ACTA2: variants seen among roughly 807,000 people sequenced by gnomAD.
ACTA2 encodes actin, aortic smooth muscle.
A neutral mutation model predicts 39.5 loss-of-function variants in ACTA2; 12 were observed. That is an observed-to-expected ratio of 0.30 (90% CI 0.19 to 0.49). The LOEUF (loss-of-function observed/expected upper bound fraction) is 0.49, where lower values mean the gene tolerates loss of function less well. ACTA2 is among the 20% of genes least tolerant of loss of function. ACTA2 has a pLI of 0.99. For synonymous variants in ACTA2, 158 were observed against 180.6 expected, an observed-to-expected ratio of 0.88 and a Z score of 1.00; for missense variants, 236 against 498.8, an observed-to-expected ratio of 0.47 and a Z score of 5.02.
At chr10:88,945,087 A>G (rs966535827) in intron 3 of ACTA2, among the ~76,000 whole-genome samples, 2 of 152,242 alleles carry the variant, frequency 1.3e-5, no homozygotes, top group African/African-American at 4.8e-5. Context: ...CAGTCACAGC[A>G]AGCAACCTTT....
intron 1 of ACTA2, among the ~76,000 whole-genome samples, chr10:88,962,393 A>T (rs1230257024): frequency 6.6e-6 from 1 of 152,168 alleles, no homozygotes; most frequent in East Asian, 1.9e-4. Context: ...TAGGTAATTA[A>T]ATAATAAGAA....
chr10:88,951,546 T>C (rs1335562715), intron 1 of ACTA2, among the ~76,000 whole-genome samples: 1 of 152,054 alleles, frequency 6.6e-6, no homozygotes, highest in Non-Finnish European at 1.5e-5. Context: ...AATGTTATAA[T>C]GTCCAAAAGG....
At chr10:88,949,922 T>G (rs1846020379) in intron 1 of ACTA2, among the ~76,000 whole-genome samples, 1 of 152,182 alleles carries the variant, frequency 6.6e-6, no homozygotes, top group Non-Finnish European at 1.5e-5. Context: ...GAATGTGTAT[T>G]TCTTTGGTAA....
intron 1 of ACTA2, among the ~76,000 whole-genome samples, chr10:88,978,685 C>T (rs138726147): frequency 6.6e-6 from 1 of 152,148 alleles, no homozygotes; most frequent in African/African-American, 2.4e-5. Context: ...GGCTCCAGCT[C>T]ACCCTACTTC....
At chr10:88,983,258 A>G (rs1846755952) in intron 1 of ACTA2, among the ~76,000 whole-genome samples, 1 of 152,224 alleles carries the variant, frequency 6.6e-6, no homozygotes, top group Admixed American at 6.5e-5. Flanking sequence ...TACCCAGTGC[A>G]AGAAAGAGTT....
At chr10:88,938,972 A>G (rs972796368) in intron 7 of ACTA2, among the ~76,000 whole-genome samples, 2 of 152,136 alleles carry the variant, frequency 1.3e-5, no homozygotes, top group African/African-American at 4.8e-5. Context: ...ATCCTAGGAC[A>G]TAAGTAATAT....
chr10:88,973,526 C>T, intron 1 of ACTA2: 2 of 461,456 alleles, frequency 4.3e-6, no homozygotes, highest in Non-Finnish European at 3.5e-6. Flanking sequence ...ACCCTGTCAC[C>T]TTGGCTCTGT....
Position 88,935,380 on chromosome 10 carries a change from T to A in ACTA2, c.991-14A>T. 1 of 1,613,390 alleles carries A rather than the reference T, an allele frequency of 6.2e-7. No homozygotes were observed. Among genetic ancestry groups the A allele is most frequent in the Non-Finnish European group, 8.5e-7 (1 of 1,179,538 alleles). ...AGGGGCAATGATCTGTCAGTCAAGATGAAAAAGAATGGTCATTAATGTCAT... is the reference window on the plus strand; with the variant it reads ...AGGGGCAATGATCTGTCAGTCAAGAAGAAAAAGAATGGTCATTAATGTCAT... On this transcript the variant is annotated splice_polypyrimidine_tract_variant and intron_variant, in intron 8 of 8. Coordinates refer to ENST00000224784, the MANE Select transcript of ACTA2 (RefSeq NM_001613.4).
intron 1 of ACTA2, among the ~76,000 whole-genome samples, chr10:88,970,990 G>T (rs958326248): frequency 6.6e-6 from 1 of 151,994 alleles, no homozygotes; most frequent in East Asian, 1.9e-4. Flanking sequence ...AGATTCCTCC[G>T]CCCAAAGGCA....
At position 88,990,197 on chromosome 10, in the gene ACTA2, C is replaced by T. The variant is rs1381175412; in HGVS notation, c.-24+742G>A. 6.6e-6 allele frequency among the ~76,000 whole-genome samples: 1 copy of T among 152,198 alleles called. No individual in the cohort carries two copies. The highest frequency in any genetic ancestry group is 2.4e-5 in the African/African-American group (1 of 41,444). ...TGTACTTTTTCATATGGTTAACTGT[C>T]CATTCCAGAAACGTCTGTGAGCCTC... On this transcript the variant is annotated intron_variant, in intron 1 of 4. Coordinates refer to the ACTA2 transcript ENST00000415557. This position sits in a 1 kb window ranked among gnomAD's most constrained non-coding sequence, Gnocchi z 4.9.
At chr10:88,988,018 C>T (rs566231748) in intron 1 of ACTA2, among the ~76,000 whole-genome samples, 43 of 152,238 alleles carry the variant, frequency 2.8e-4, no homozygotes, top group Middle Eastern at 3.4e-3. Context: ...TGGACTTGAA[C>T]TATAACTTTT....
At chr10:88,976,038 C>G (rs1212440486) in intron 1 of ACTA2, among the ~76,000 whole-genome samples, 1 of 152,070 alleles carries the variant, frequency 6.6e-6, no homozygotes, top group Admixed American at 6.6e-5. Flanking sequence ...TGTCCCATCC[C>G]GATTAGGACC....
At chr10:88,943,753 T>A (rs749330835) in intron 4 of ACTA2, 44 bp downstream of exon 4, 1 of 1,538,962 alleles carries the variant, frequency 6.5e-7, no homozygotes, top group Non-Finnish European at 9.0e-7. Flanking sequence ...TAACAGAAGT[T>A]TCCCCAGACC....
At chr10:88,989,475 A>G (rs1329192177) in intron 1 of ACTA2, 1 of 543,194 alleles carries the variant, frequency 1.8e-6, no homozygotes, top group African/African-American at 1.9e-5. Context: ...TTAGATGCTC[A>G]GAGTGTGTGC....
intron 1 of ACTA2, among the ~76,000 whole-genome samples, chr10:88,972,708 C>T (rs1052611737): frequency 1.3e-5 from 2 of 152,112 alleles, no homozygotes; most frequent in Non-Finnish European, 2.9e-5. Flanking sequence ...ATGTATAAAT[C>T]GATTTTACCC....
At chr10:88,964,757 A>G (rs1208753118) in intron 1 of ACTA2, among the ~76,000 whole-genome samples, 1 of 152,136 alleles carries the variant, frequency 6.6e-6, no homozygotes, top group African/African-American at 2.4e-5. Flanking sequence ...GTATCTACAT[A>G]TCTTGTACCA....
At chr10:88,974,149 C>T (rs959798) in intron 1 of ACTA2, 1 of 151,810 alleles carries the variant, frequency 6.6e-6, no homozygotes, top group Non-Finnish European at 1.5e-5. Flanking sequence ...GCTTTAAATT[C>T]TTCTTAAATT....
rs74650310 is a variant in ACTA2 at position 88,961,623 on chromosome 10, G to A, written c.-23-12670C>T. ...GTAAGAGAGAGACCCTCAGTGTAGA[G>A]ATCCACAGTCCTGACTTTGCCATCA... On this transcript the variant is annotated intron_variant, in intron 1 of 4. Transcript: ENST00000415557. Among the ~76,000 whole-genome samples the A allele has an allele frequency of 2.6e-3, 396 of 151,534 alleles. 3 individuals carry two copies. The highest frequency in any genetic ancestry group is 9.3e-3 in the African/African-American group (382 of 41,262).
intron 3 of ACTA2, chr10:88,947,038 A>G (rs1031041741): frequency 5.7e-6 from 3 of 526,102 alleles, no homozygotes; most frequent in Admixed American, 7.2e-5. Context: ...GATGGTTTCC[A>G]GCTTCATCCA....
Sources: allele counts gnomAD v4.1 joint callset (sites outside exome capture counted in the v4.1 genomes callset), GRCh38; gene constraint gnomAD v4.1.1; non-coding constraint Gnocchi (gnomAD v3.1); transcripts MANE v1.5; gene names NCBI Gene and HGNC (gene_info 2026-07-23, HGNC 2026-07-21).